Variants in TTC16 observed in about 807,000 individuals in gnomAD.
TTC16 encodes tetratricopeptide repeat domain 16, also known as tetratricopeptide repeat protein 16.
Under a neutral mutation model 80.4 loss-of-function variants are expected in TTC16, and 66 were observed. The observed-to-expected ratio is 0.82, with a 90% CI of 0.67 to 1.01. TTC16 has a LOEUF of 1.01. TTC16 is among the 50% of genes least tolerant of loss of function. The pLI, the probability that TTC16 is intolerant of heterozygous loss-of-function variation, is 0.00. For synonymous variants in TTC16, 438 were observed against 451.3 expected (o/e 0.97, Z 0.37); for missense variants, 1,070 against 1,103.2 (o/e 0.97, Z 0.43).
intron 7 of TTC16, 90 bp from the exon 8 acceptor site, chr9:127,724,030 C>T: frequency 1.4e-6 from 2 of 1,446,812 alleles, no homozygotes; most frequent in South Asian, 1.5e-5. Context: ...AGGCCCAGAG[C>T]CGGCAGTGGC....
chr9:127,719,912 C>A (rs1258003874), intron 4 of TTC16, among the ~76,000 whole-genome samples, 166 bp from the exon 5 acceptor site: 1 of 152,208 alleles, frequency 6.6e-6, no homozygotes, highest in African/African-American at 2.4e-5. Context: ...CTGTATCTCT[C>A]TCCATCTCTG....
At chr9:127,724,484 A>T in intron 8 of TTC16, 120 bp downstream of exon 8, 1 of 1,344,068 alleles carries the variant, frequency 7.4e-7, no homozygotes, top group Non-Finnish European at 1.0e-6. Context: ...GAAGGAAGCA[A>T]GGGAAGAGGA....
intron 12 of TTC16, 25 bp from the exon 13 acceptor site, chr9:127,729,556 C>T (rs1844220864): frequency 1.2e-6 from 2 of 1,608,956 alleles, no homozygotes; most frequent in Non-Finnish European, 1.7e-6. Flanking sequence ...ACCATCTGAA[C>T]TACAAAGCCT....
chr9:127,718,071 CTTATTT>C lies in TTC16; in HGVS notation c.426+307_426+312del, dbSNP rs2131617763. The stretch of plus-strand genomic sequence containing the variant: ...GTGACTAAAGAACTGAATTTTATAT[CTTATTT>C]TTATTTTATTTTATTATTATTATTA... On this transcript the variant is annotated intron_variant, in intron 4 of 13. Transcript: ENST00000373289. The surrounding 1 kb of genome is among the most constrained non-coding windows in gnomAD (Gnocchi z 4.6). 6.6e-6 allele frequency among the ~76,000 whole-genome samples: 1 copy of C among 152,126 alleles called. No individual in the cohort carries two copies. Among genetic ancestry groups the C allele is most frequent in the Non-Finnish European group, 1.5e-5 (1 of 68,014 alleles).
chr9:127,724,110 C>CG lies in TTC16; in HGVS notation c.873-10_873-9insG, dbSNP rs761883822. On this transcript the variant is annotated splice_polypyrimidine_tract_variant and intron_variant, in intron 7 of 13. Transcript: ENST00000373289. Reference sequence around the variant, plus strand: ...GTCCCTCCTGCCGTCTCCCACGCCCCCCCCGACAGGGGCACCATGTACCGA... The same window carrying CG: ...GTCCCTCCTGCCGTCTCCCACGCCCCGCCCCGACAGGGGCACCATGTACCGA... 1.3e-6 allele frequency: 2 copies of CG among 1,598,284 alleles called. No individual in the cohort carries two copies. The highest frequency in any genetic ancestry group is 1.7e-6 in the Non-Finnish European group (2 of 1,171,200).
intron 3 of TTC16, 73 bp from the exon 4 acceptor site, chr9:127,717,556 G>C (rs1206362791): frequency 1.5e-5 from 24 of 1,587,926 alleles, no homozygotes; most frequent in African/African-American, 2.7e-5. Context: ...TCTCAGGGGG[G>C]TGGAGACTTT....
intron 12 of TTC16, 79 bp downstream of exon 12, chr9:127,727,544 A>G (rs1216394004): frequency 1.3e-6 from 2 of 1,490,728 alleles, no homozygotes; most frequent in African/African-American, 2.8e-5. Flanking sequence ...TGAAGGATGC[A>G]GGCCAGTGGA....
chr9:127,717,193 C>A, intron 2 of TTC16, 141 bp from the exon 3 acceptor site: 1 of 1,164,596 alleles, frequency 8.6e-7, no homozygotes, highest in Non-Finnish European at 1.2e-6. Flanking sequence ...GGAACACCAG[C>A]CTGCCCTCCC....
chr9:127,726,869 TG>T, intron 10 of TTC16, 100 bp from the exon 11 acceptor site: 1 of 1,394,036 alleles, frequency 7.2e-7, no homozygotes, highest in Non-Finnish European at 9.9e-7. Flanking sequence ...TCTTCAGCCC[TG>T]GGAAGGGCCA....
In TTC16 at chr9:127,720,408, G is replaced by A. The variant is rs1440918947; in HGVS notation, c.657+13G>A. The A allele has an allele frequency of 3.1e-6, 5 of 1,609,122 alleles. No individual in the cohort carries two copies. The South Asian group carries it at 5.5e-5, about 18-fold the overall frequency. On this transcript the variant is annotated intron_variant, in intron 6 of 13. Transcript: ENST00000373289. ...CTTTCTCCAGAAGGTACAGTGGGGA[G>A]GGCGGGCAGGGGCATGCCCCCCAAC...
In TTC16 at chr9:127,726,975, C is replaced by T. The variant is rs374119898; in HGVS notation, c.1431C>T (p.Ser477=). The T allele has an allele frequency of 6.2e-7, 1 of 1,613,102 alleles. No individual in the cohort carries two copies. Among genetic ancestry groups the T allele is most frequent in the Non-Finnish European group, 8.5e-7 (1 of 1,180,020 alleles). Reference sequence around the variant, plus strand: ...GTCACCCCCTTTCGTGGCAGCTGTCCCTGCTGATGACCAACCTCTTCCCGG... The same window carrying T: ...GTCACCCCCTTTCGTGGCAGCTGTCTCTGCTGATGACCAACCTCTTCCCGG... ...LLLNPKQPKL[S]LLMTNLFPGM... Residue 477 remains serine, a synonymous_variant, in exon 11 of 14, where the codon TCC becomes TCT. Transcript: ENST00000373289.
intron 7 of TTC16, among the ~76,000 whole-genome samples, chr9:127,723,802 T>G (rs1035894208): frequency 5.9e-5 from 9 of 152,134 alleles, no homozygotes; most frequent in African/African-American, 1.9e-4. Flanking sequence ...TTCGGGCCAA[T>G]TAACCTATCC....
At chr9:127,723,905 C>CAA (rs11410543) in intron 7 of TTC16, among the ~76,000 whole-genome samples, 4,054 of 146,164 alleles carry the variant, frequency 0.028, 83 homozygotes, top group African/African-American at 0.046. Context: ...GGTATTTTTG[C>CAA]AAAAAAAAAA....
chr9:127,719,031 T>C (rs1372166765), intron 4 of TTC16, among the ~76,000 whole-genome samples: 1 of 151,530 alleles, frequency 6.6e-6, no homozygotes, highest in East Asian at 2.0e-4. Context: ...GCCAACATGG[T>C]GAAACCTCAT....
chr9:127,724,821 A>G lies in TTC16; in HGVS notation c.1183A>G (p.Ser395Gly), dbSNP rs1417456485. The G allele has an allele frequency of 7.5e-6, 12 of 1,607,562 alleles. No individual in the cohort carries two copies. The highest frequency in any genetic ancestry group is 1.0e-5 in the Non-Finnish European group (12 of 1,177,990). ...EADYQQALAL[S>G]PQDEGANTRM... ...GGACTACCAGCAGGCGCTGGCGCTG[A>G]GCCCTCAGGACGAGGGCGCCAACAC... is the stretch of plus-strand genomic sequence containing the variant. The change falls in exon 9 of 14, where the codon AGC (serine) becomes GGC (glycine). Residue 395 changes from serine (S) to glycine (G), a missense_variant. Coordinates refer to ENST00000373289, the MANE Select transcript of TTC16 (RefSeq NM_144965.3).
In TTC16 at chr9:127,720,514, G is replaced by C. The variant is rs543208738; in HGVS notation, c.657+119G>C. 940 of 1,326,050 alleles carry C rather than the reference G, an allele frequency of 7.1e-4. 1 individual carries two copies. Among genetic ancestry groups the C allele is most frequent in the Admixed American group, 1.6e-3 (92 of 56,770 alleles). 82.1% of individuals were successfully genotyped at this position (1,326,050 alleles called of 1,614,324 possible). ...CCCAGAAGCCCCATCCCACAGTGCA[G>C]TGGGTGCTGTCCTCCCTGGGAAGAG... On this transcript the variant is annotated intron_variant, in intron 6 of 13. Transcript: ENST00000373289.
chr9:127,723,674 C>T (rs973847817), intron 7 of TTC16, among the ~76,000 whole-genome samples: 8 of 152,172 alleles, frequency 5.3e-5, no homozygotes, highest in African/African-American at 1.9e-4. Flanking sequence ...GGAGGGAGTG[C>T]CGCTGCCCTG....
At chr9:127,721,095 T>C (rs1453853130) in intron 6 of TTC16, among the ~76,000 whole-genome samples, 1 of 151,396 alleles carries the variant, frequency 6.6e-6, no homozygotes, top group Non-Finnish European at 1.5e-5. Flanking sequence ...CAATAGAAAC[T>C]TGGGGTCACA....
intron 1 of TTC16, 112 bp from the exon 2 acceptor site, chr9:127,716,732 C>A: frequency 7.2e-7 from 1 of 1,395,210 alleles, no homozygotes; most frequent in Non-Finnish European, 9.5e-7. Context: ...GGAGTGCCTC[C>A]TTCCAGGCCT....
Sources: gnomAD v4.1 joint callset for allele counts (sites outside exome capture counted in the v4.1 genomes callset) on GRCh38, gnomAD v4.1.1 for gene constraint, Gnocchi (gnomAD v3.1) non-coding constraint, MANE v1.5 for transcripts, NCBI Gene and HGNC (gene_info 2026-07-23, HGNC 2026-07-21) for gene names.